Variants in TRPS1 observed in about 807,000 individuals in gnomAD.
The protein encoded by TRPS1 is transcriptional repressor GATA binding 1.
Under a neutral mutation model 101.2 loss-of-function variants are expected in TRPS1, and 6 were observed. The observed-to-expected ratio is 0.06, with a 90% CI of 0.03 to 0.12. The LOEUF is 0.12. Among genes scored for constraint, TRPS1 ranks in the 10% least tolerant of loss-of-function variants. TRPS1 has a pLI of 1.00. For missense variants in TRPS1, 1,363 were observed against 1,567.0 expected, an observed-to-expected ratio of 0.87 and a Z score of 2.20; for synonymous variants, 578 against 589.8, an observed-to-expected ratio of 0.98 and a Z score of 0.29.
At chr8:115,595,021 T>G (rs1817756351) in intron 4 of TRPS1, among the ~76,000 whole-genome samples, 1 of 151,930 alleles carries the variant, frequency 6.6e-6, no homozygotes, top group Non-Finnish European at 1.5e-5. Context: ...TTAACCACAG[T>G]TTTTATTCTT....
At chr8:115,616,198 G>A (rs1357298548) in intron 3 of TRPS1, among the ~76,000 whole-genome samples, 1 of 152,140 alleles carries the variant, frequency 6.6e-6, no homozygotes, top group African/African-American at 2.4e-5. Context: ...TATCTTCTAT[G>A]CAGCACAAAG....
intron 5 of TRPS1, among the ~76,000 whole-genome samples, chr8:115,509,199 C>T (rs1231638057): frequency 6.6e-6 from 1 of 151,876 alleles, no homozygotes. Flanking sequence ...TCCCTGAAGC[C>T]GAACTCCTTA....
chr8:115,610,936 G>A (rs1818147567), intron 3 of TRPS1, among the ~76,000 whole-genome samples: 1 of 151,918 alleles, frequency 6.6e-6, no homozygotes, highest in Non-Finnish European at 1.5e-5. Context: ...GGCCAACATG[G>A]TGAAACCCTG....
chr8:115,426,858 T>C (rs1203955260), intron 5 of TRPS1, among the ~76,000 whole-genome samples: 3 of 152,206 alleles, frequency 2.0e-5, no homozygotes, highest in Non-Finnish European at 4.4e-5. Context: ...GAATTACTAA[T>C]TACTATTACT....
At chr8:115,534,375 T>C (rs531812109) in intron 5 of TRPS1, among the ~76,000 whole-genome samples, 2 of 151,172 alleles carry the variant, frequency 1.3e-5, no homozygotes, top group Admixed American at 1.3e-4. Context: ...CACTGGAGAT[T>C]GAAGCTCTAA....
chr8:115,440,335 G>A (rs534368023), intron 5 of TRPS1, among the ~76,000 whole-genome samples: 8 of 152,298 alleles, frequency 5.3e-5, no homozygotes, highest in East Asian at 1.9e-4. Flanking sequence ...TAGGAAGACC[G>A]ACTGGCTGAG....
At chr8:115,527,982 G>A (rs1017285423) in intron 5 of TRPS1, among the ~76,000 whole-genome samples, 4 of 152,018 alleles carry the variant, frequency 2.6e-5, no homozygotes, top group Admixed American at 6.6e-5. Flanking sequence ...AGGTAAAACC[G>A]GAAAGATCAA....
chr8:115,605,127 T>C (rs1038262822), intron 3 of TRPS1, 125 bp from the exon 4 acceptor site: 31 of 853,904 alleles, frequency 3.6e-5, no homozygotes, highest in Non-Finnish European at 5.0e-5. Context: ...TCCTGCTTAT[T>C]ATGAAATCAC....
At chr8:115,666,488 C>G (rs1252674799) in intron 1 of TRPS1, among the ~76,000 whole-genome samples, 1 of 152,066 alleles carries the variant, frequency 6.6e-6, no homozygotes. Flanking sequence ...TCTGAGAGAG[C>G]CTTCTAAGCA....
chr8:115,571,588 A>C (rs922766659), intron 5 of TRPS1, among the ~76,000 whole-genome samples: 1 of 152,198 alleles, frequency 6.6e-6, no homozygotes, highest in African/African-American at 2.4e-5. Context: ...AATGTGATAC[A>C]GTATTAAGAT....
At chr8:115,416,682 G>T (rs1008690535) in intron 6 of TRPS1, among the ~76,000 whole-genome samples, 1 of 151,598 alleles carries the variant, frequency 6.6e-6, no homozygotes, top group Non-Finnish European at 1.5e-5. Context: ...TCTTAAATAA[G>T]TACAACTATA....
intron 5 of TRPS1, among the ~76,000 whole-genome samples, chr8:115,539,917 C>T (rs1171819168): frequency 1.3e-5 from 2 of 152,168 alleles, no homozygotes; most frequent in Admixed American, 6.5e-5. Flanking sequence ...GATCCATCAT[C>T]GAGAATCTGA....
At chr8:115,542,313 C>T (rs1563589273) in intron 5 of TRPS1, among the ~76,000 whole-genome samples, 2 of 152,014 alleles carry the variant, frequency 1.3e-5, no homozygotes, top group African/African-American at 2.4e-5. Flanking sequence ...TTTACGGATG[C>T]GATATTTATT....
chr8:115,613,444 T>C (rs1818213932), intron 3 of TRPS1, among the ~76,000 whole-genome samples: 1 of 152,202 alleles, frequency 6.6e-6, no homozygotes, highest in African/African-American at 2.4e-5. Flanking sequence ...CTGATTTATG[T>C]CTTCTATCTC....
intron 5 of TRPS1, chr8:115,492,119 A>T (rs529575996): frequency 2.3e-6 from 1 of 443,784 alleles, no homozygotes; most frequent in African/African-American, 2.0e-5. Context: ...AGAAACAAAA[A>T]ATCCAGAGGG....
chr8:115,618,543 G>A (rs1285838320), intron 3 of TRPS1, among the ~76,000 whole-genome samples: 1 of 152,126 alleles, frequency 6.6e-6, no homozygotes, highest in Non-Finnish European at 1.5e-5. Context: ...CCCTACCAAG[G>A]TCATTCTGCT....
chr8:115,484,918 A>G (rs953560232), intron 5 of TRPS1, among the ~76,000 whole-genome samples: 19 of 152,176 alleles, frequency 1.2e-4, no homozygotes, highest in Non-Finnish European at 7.3e-5. Context: ...GCAGTTATGG[A>G]TACTGCAGCT....
chr8:115,534,649 C>G (rs1251743172), intron 5 of TRPS1, among the ~76,000 whole-genome samples: 1 of 152,202 alleles, frequency 6.6e-6, no homozygotes, highest in Non-Finnish European at 1.5e-5. Context: ...CTCCCCAAAA[C>G]TCATTCTCTT....
In TRPS1 at chr8:115,604,513, C is replaced by T. The variant is rs34474186; in HGVS notation, c.1456G>A (p.Asp486Asn). The change falls in exon 4 of 7, where the codon GAT becomes AAT. Residue 486 changes from aspartate (D) to asparagine (N), a missense_variant. Transcript: ENST00000395715. The surrounding 1 kb of genome is among the most constrained non-coding windows in gnomAD (Gnocchi z 4.1). ...QSGGLNPELNDKLSRGSVINQ... is the reference protein window; with the variant it reads ...QSGGLNPELNNKLSRGSVINQ... ...ATGACAGAGCCCCTGGAAAGCTTAT[C>T]ATTTAACTCTGGATTAAGGCCGCCT... The T allele has an allele frequency of 9.0e-5, 145 of 1,613,966 alleles. No individual in the cohort carries two copies. Among genetic ancestry groups the T allele is most frequent in the South Asian group, 5.5e-5 (5 of 91,086 alleles).
Sources: allele counts gnomAD v4.1 joint callset (sites outside exome capture counted in the v4.1 genomes callset), GRCh38; gene constraint gnomAD v4.1.1; non-coding constraint Gnocchi (gnomAD v3.1); transcripts MANE v1.5; gene names NCBI Gene and HGNC (gene_info 2026-07-23, HGNC 2026-07-21).